The following FAM185A variants were observed in gnomAD, a reference collection of about 807,000 sequenced individuals.
The protein encoded by FAM185A is family with sequence similarity 185 member A.
In FAM185A, 21 loss-of-function variants were observed where a neutral mutation model predicts 45.7. The ratio of observed to expected loss-of-function variants is 0.46; its 90% confidence interval spans 0.33 to 0.66. The LOEUF (loss-of-function observed/expected upper bound fraction) is 0.66. Ranked by LOEUF, FAM185A falls within the 30% of genes least tolerant of loss-of-function variation. FAM185A has a pLI of 0.03. For missense variants in FAM185A, 305 were observed against 485.4 expected (o/e 0.63, Z 3.49); for synonymous variants, 117 against 194.0 (o/e 0.60, Z 3.30).
chr7:102,845,191 C>A, the FAM185A span, among the ~76,000 whole-genome samples: 899 of 152,268 alleles, frequency 5.9e-3, 9 homozygotes, highest in African/African-American at 0.02. Flanking sequence ...TTCCAAGATT[C>A]TAATCGTGGC....
At chr7:102,750,420 AAATAGTAGATGCCG>A (rs1234586762) in intron 1 of FAM185A, among the ~76,000 whole-genome samples, 1 of 152,200 alleles carries the variant, frequency 6.6e-6, no homozygotes, top group Non-Finnish European at 1.5e-5. Context: ...AGAGTTGCCC[AAATAGTAGATGCCG>A]TAGTCCTCCC....
chr7:102,779,021 C>T (rs1795246351), intron 6 of FAM185A, among the ~76,000 whole-genome samples: 1 of 152,242 alleles, frequency 6.6e-6, no homozygotes, highest in South Asian at 2.1e-4. Flanking sequence ...CTTCTTAATT[C>T]ATTCCAGGCT....
chr7:102,765,656 G>T (rs1235296407), intron 4 of FAM185A, among the ~76,000 whole-genome samples: 2 of 152,154 alleles, frequency 1.3e-5, no homozygotes, highest in African/African-American at 4.8e-5. Flanking sequence ...TTTTTCAAGT[G>T]AAATTTTTAA....
chr7:102,766,811 T>C (rs1478925531), intron 4 of FAM185A, among the ~76,000 whole-genome samples: 2 of 152,156 alleles, frequency 1.3e-5, no homozygotes, highest in Non-Finnish European at 2.9e-5. Flanking sequence ...TTGTTTTGTT[T>C]TTGAGAGAAG....
chr7:102,833,557 A>G, the FAM185A span, among the ~76,000 whole-genome samples: 1 of 143,722 alleles, frequency 7.0e-6, no homozygotes, highest in Non-Finnish European at 1.5e-5. Flanking sequence ...TCTTGTGCCT[A>G]TTGGGACTAC....
the FAM185A span, among the ~76,000 whole-genome samples, chr7:102,824,581 GT>G: frequency 1.3e-5 from 2 of 151,970 alleles, no homozygotes; most frequent in African/African-American, 4.8e-5. Context: ...TGCCTCCCAG[GT>G]TCAAACAATT....
At position 102,749,346 on chromosome 7, in the gene FAM185A, T is replaced by G. The variant is rs1286911664; in HGVS notation, c.139T>G (p.Trp47Gly). The change falls in exon 1 of 8, where the codon TGG (tryptophan) becomes GGG (glycine). Residue 47 changes from tryptophan to glycine, a missense_variant. Trp to Gly is a radical substitution (Grantham distance 184). Around this residue, in one of 5 missense-constraint regions of FAM185A, gnomAD observed 174 missense variants for 247.1 expected, o/e 0.70. Transcript: ENST00000413034. ...GTACAGCTCAGGTGGGAGCGAGCGC[T>G]GGCCCGGATCGGAGACTGAGGTCCC... ...RPYSSGGSER[W>G]PGSETEVPPP... 7.1e-6 allele frequency: 11 copies of G among 1,549,072 alleles called. No homozygotes were observed. Among genetic ancestry groups the G allele is most frequent in the African/African-American group, 1.4e-5 (1 of 73,010 alleles).
intron 4 of FAM185A, among the ~76,000 whole-genome samples, chr7:102,761,952 A>G (rs920834687): frequency 7.2e-5 from 11 of 152,172 alleles, no homozygotes; most frequent in Non-Finnish European, 1.5e-4. Flanking sequence ...TGTGAGCCAC[A>G]CTGCATCCAG....
chr7:102,813,527 C>T, downstream of FAM185A: 2 of 1,613,666 alleles, frequency 1.2e-6, no homozygotes, highest in South Asian at 1.1e-5. Flanking sequence ...CTTTGAGCTG[C>T]CTTCCTGTAA....
chr7:102,753,630 T>G (rs1447701731), intron 2 of FAM185A, among the ~76,000 whole-genome samples: 3 of 151,816 alleles, frequency 2.0e-5, no homozygotes, highest in African/African-American at 7.3e-5. Flanking sequence ...TGAGAACGAC[T>G]GCTTTATGCA....
chr7:102,822,469 T>G, the FAM185A span: 1 of 586,568 alleles, frequency 1.7e-6, no homozygotes, highest in Non-Finnish European at 3.2e-6. Context: ...GAGAGAGAGC[T>G]CTAGTCTTTG....
At position 102,806,142 on chromosome 7, in the gene FAM185A, T is replaced by TTTGTTGTTG. The variant is rs112645611; in HGVS notation, c.1067-2136_1067-2128dup. Reference sequence around the variant, plus strand: ...TTTGGTTATTGTTTTAAGCTGTTATTTTGTTGTTGTTGTTGTTGTTTATTA... The same window carrying TTTGTTGTTG: ...TTTGGTTATTGTTTTAAGCTGTTATTTTGTTGTTGTTGTTGTTGTTGTTGTTGTTTATTA... On this transcript the variant is annotated intron_variant, in intron 7 of 7. Transcript: ENST00000413034. Among the ~76,000 whole-genome samples, 291 of 151,566 alleles carry TTTGTTGTTG rather than the reference T, an allele frequency of 1.9e-3. 1 individual carries two copies. The highest frequency in any genetic ancestry group is 6.8e-3 in the Middle Eastern group (2 of 294).
rs1436404168 is a variant in FAM185A at position 102,761,321 on chromosome 7, G to A, written c.703G>A (p.Glu235Lys). The A allele has an allele frequency of 1.0e-5, 16 of 1,546,800 alleles. No individual in the cohort carries two copies. Among genetic ancestry groups the A allele is most frequent in the South Asian group, 3.6e-5 (3 of 83,090 alleles). Reference protein sequence around the residue: ...LQGSSVTVSTEDGLLKAKYLY... With the variant: ...LQGSSVTVSTKDGLLKAKYLY... ...GGGAAGTTCTGTTACTGTATCTACC[G>A]AAGATGGTTTGCTGAAAGCCAAGTA... Residue 235 changes from glutamate (E) to lysine (K), a missense_variant, in exon 4 of 8, where the codon GAA becomes AAA. Glu to Lys is a moderately conservative substitution (Grantham distance 56). This residue lies in a region of FAM185A where 44 missense variants were observed against 66.8 expected (regional missense o/e 0.66). Transcript: ENST00000413034.
the FAM185A span, among the ~76,000 whole-genome samples, chr7:102,819,280 G>T: frequency 1.3e-5 from 2 of 152,076 alleles, no homozygotes; most frequent in East Asian, 3.9e-4. Flanking sequence ...GATCATAGTT[G>T]TTACTTATTC....
At chr7:102,785,888 C>T (rs180703262) in intron 6 of FAM185A, among the ~76,000 whole-genome samples, 3 of 152,098 alleles carry the variant, frequency 2.0e-5, no homozygotes, top group Non-Finnish European at 4.4e-5. Flanking sequence ...TCAGAGTGAA[C>T]AGGCAACCTA....
chr7:102,835,376 C>A, the FAM185A span, among the ~76,000 whole-genome samples: 2 of 152,280 alleles, frequency 1.3e-5, no homozygotes, highest in African/African-American at 4.8e-5. Flanking sequence ...TTATTGGAAT[C>A]AGTGGCCTGG....
the FAM185A span, among the ~76,000 whole-genome samples, chr7:102,828,176 T>A: frequency 1.3e-5 from 2 of 152,176 alleles, no homozygotes; most frequent in African/African-American, 4.8e-5. Flanking sequence ...CCTTGGGCAG[T>A]ATGGCCATTT....
chr7:102,849,309 G>A, the FAM185A span, among the ~76,000 whole-genome samples: 1 of 152,194 alleles, frequency 6.6e-6, no homozygotes, highest in Non-Finnish European at 1.5e-5. Flanking sequence ...GTTGGAGAAA[G>A]TAATTAAAGC....
chr7:102,838,179 T>G, the FAM185A span, among the ~76,000 whole-genome samples: 2 of 152,152 alleles, frequency 1.3e-5, no homozygotes, highest in Admixed American at 1.3e-4. Context: ...CATGAGATGT[T>G]TTGTGTCTCT....
Sources: allele counts gnomAD v4.1 joint callset (sites outside exome capture counted in the v4.1 genomes callset), GRCh38; gene constraint gnomAD v4.1.1; regional missense constraint gnomAD v4.1.1; transcripts MANE v1.5; gene names NCBI Gene and HGNC (gene_info 2026-07-23, HGNC 2026-07-21).